The following PCDH15 variants were observed in gnomAD, a reference collection of about 807,000 sequenced individuals.
PCDH15 encodes protocadherin related 15.
In PCDH15, 129 loss-of-function variants were observed where a neutral mutation model predicts 178.5. The observed-to-expected ratio is 0.72, with a 90% confidence interval of 0.63 to 0.84. The LOEUF (loss-of-function observed/expected upper bound fraction) is 0.84, where lower values mean the gene tolerates loss of function less well. PCDH15 is among the 40% of genes least tolerant of loss of function. The probability of loss-of-function intolerance (pLI) is 0.00; values close to 1 mark genes in which losing one functional copy is unlikely to be tolerated. For missense variants in PCDH15, 2,230 were observed against 2,099.9 expected, an observed-to-expected ratio of 1.06 and a Z score of -1.21; for synonymous variants, 800 against 732.0, an observed-to-expected ratio of 1.09 and a Z score of -1.50.
intron 9 of PCDH15, among the ~76,000 whole-genome samples, chr10:54,230,701 A>G (rs1257225933): frequency 3.3e-5 from 5 of 152,178 alleles, no homozygotes; most frequent in Non-Finnish European, 7.4e-5. Context: ...ATTCTTAATC[A>G]ATGGGTGACA....
At chr10:54,580,658 A>G (rs986316848) in intron 2 of PCDH15, among the ~76,000 whole-genome samples, 2 of 152,008 alleles carry the variant, frequency 1.3e-5, no homozygotes, top group Admixed American at 6.6e-5. Flanking sequence ...AAGAAAAACT[A>G]CAGGCTAATA....
intron 3 of PCDH15, among the ~76,000 whole-genome samples, chr10:54,895,741 G>A (rs1415376803): frequency 1.3e-5 from 2 of 152,122 alleles, no homozygotes; most frequent in South Asian, 2.1e-4. Flanking sequence ...AGAAACAATA[G>A]TTCTTATTAT....
In PCDH15 at chr10:53,809,487, T is replaced by C. The variant is rs866444005; in HGVS notation, c.4671+1069A>G. ...GTTTTTCGATAGTTACAACTACTTCTTCCTCCTCACTAGGCTCTCTAATTT... is the reference window on the plus strand; with the variant it reads ...GTTTTTCGATAGTTACAACTACTTCCTCCTCCTCACTAGGCTCTCTAATTT... On this transcript the variant is annotated intron_variant, in intron 37 of 37. Coordinates refer to ENST00000644397, the MANE Select transcript of PCDH15 (RefSeq NM_001384140.1). The C allele has an allele frequency of 5.0e-6, 8 of 1,613,812 alleles. No homozygotes were observed. The Admixed American group carries it at 8.3e-5, about 17-fold the overall frequency.
At chr10:54,061,613 C>A (rs1437042475) in intron 18 of PCDH15, among the ~76,000 whole-genome samples, 1 of 151,954 alleles carries the variant, frequency 6.6e-6, no homozygotes, top group Non-Finnish European at 1.5e-5. Context: ...CCTAACCTGG[C>A]CACCTCAGTC....
At chr10:55,057,457 T>C (rs1841332731) in intron 2 of PCDH15, among the ~76,000 whole-genome samples, 1 of 152,204 alleles carries the variant, frequency 6.6e-6, no homozygotes, top group South Asian at 2.1e-4. Flanking sequence ...ATTTTTCTTA[T>C]GTTTCTCGGA....
chr10:54,357,723 A>T (rs538867881), intron 5 of PCDH15, among the ~76,000 whole-genome samples: 86 of 152,260 alleles, frequency 5.6e-4, no homozygotes, highest in African/African-American at 2.1e-3. Context: ...CTAAGCCAAA[A>T]CCACAAAGCT....
At chr10:55,143,213 T>TAAA (rs1189020580) in intron 2 of PCDH15, among the ~76,000 whole-genome samples, 17 of 147,864 alleles carry the variant, frequency 1.1e-4, no homozygotes, top group South Asian at 4.2e-4. Flanking sequence ...TTTTTTTTTT[T>TAAA]AAATAAATTA....
chr10:54,961,098 T>C (rs577474533), intron 2 of PCDH15, among the ~76,000 whole-genome samples: 1 of 152,352 alleles, frequency 6.6e-6, no homozygotes, highest in South Asian at 2.1e-4. Context: ...ACTGCCCGTC[T>C]GGAGCAGCCA....
intron 1 of PCDH15, among the ~76,000 whole-genome samples, chr10:55,264,152 G>A (rs911471128): frequency 6.6e-6 from 1 of 152,098 alleles, no homozygotes; most frequent in African/African-American, 2.4e-5. Context: ...GCTTATTTGA[G>A]ACACTCTAAA....
chr10:55,040,833 C>T (rs11004698), intron 2 of PCDH15, among the ~76,000 whole-genome samples: 85,019 of 151,832 alleles, frequency 0.56, 24,251 homozygotes, highest in East Asian at 0.75. Flanking sequence ...TATTTTATGA[C>T]TTTTTTCTCA....
chr10:55,142,981 T>C (rs184053427), intron 2 of PCDH15, among the ~76,000 whole-genome samples: 250 of 152,236 alleles, frequency 1.6e-3, no homozygotes, highest in African/African-American at 4.7e-3. Context: ...TGGGAGATGA[T>C]TGGCTTATGG....
chr10:54,418,418 A>G (rs1047274751), intron 3 of PCDH15, among the ~76,000 whole-genome samples: 1 of 152,024 alleles, frequency 6.6e-6, no homozygotes, highest in African/African-American at 2.4e-5. Flanking sequence ...AATGTCTGCA[A>G]TTATCCTTAA....
intron 1 of PCDH15, among the ~76,000 whole-genome samples, chr10:54,677,166 G>A (rs1482916008): frequency 6.6e-6 from 1 of 152,100 alleles, no homozygotes; most frequent in African/African-American, 2.4e-5. Context: ...GAGGTCAGGA[G>A]TTCAAAGCCA....
intron 20 of PCDH15, among the ~76,000 whole-genome samples, chr10:54,000,586 A>G (rs1437900273): frequency 6.6e-6 from 1 of 151,944 alleles, no homozygotes; most frequent in Non-Finnish European, 1.5e-5. Flanking sequence ...GACCAAGCAG[A>G]AGAAAGAATT....
intron 15 of PCDH15, among the ~76,000 whole-genome samples, chr10:54,092,388 C>G (rs1002801769): frequency 1.3e-5 from 2 of 152,090 alleles, no homozygotes; most frequent in Non-Finnish European, 2.9e-5. Context: ...ACTTGTTTTT[C>G]CAGGCCAATT....
intron 2 of PCDH15, among the ~76,000 whole-genome samples, chr10:55,143,818 G>A (rs1838419247): frequency 9.4e-6 from 1 of 106,908 alleles, no homozygotes; most frequent in Non-Finnish European, 2.2e-5. Flanking sequence ...GTTCTACCTA[G>A]TGGGTACTAC....
At chr10:53,972,614 C>A (rs1487210189) in intron 21 of PCDH15, among the ~76,000 whole-genome samples, 3 of 152,110 alleles carry the variant, frequency 2.0e-5, no homozygotes, top group Non-Finnish European at 4.4e-5. Context: ...ACAACCCCAT[C>A]AAAAAGTGGG....
intron 5 of PCDH15, among the ~76,000 whole-genome samples, chr10:54,357,060 A>C (rs1807397867): frequency 6.6e-6 from 1 of 152,156 alleles, no homozygotes; most frequent in African/African-American, 2.4e-5. Flanking sequence ...TATCATACTG[A>C]ATGGGCAAAA....
At chr10:54,557,503 T>C (rs763557600) in intron 2 of PCDH15, among the ~76,000 whole-genome samples, 2 of 152,164 alleles carry the variant, frequency 1.3e-5, no homozygotes, top group African/African-American at 4.8e-5. Flanking sequence ...TATACAACAT[T>C]ACTCATGTCT....
Sources: gnomAD v4.1 joint callset for allele counts (sites outside exome capture counted in the v4.1 genomes callset) on GRCh38, gnomAD v4.1.1 for gene constraint, MANE v1.5 for transcripts, NCBI Gene and HGNC (gene_info 2026-07-23, HGNC 2026-07-21) for gene names.